The following SV2C variants were observed in gnomAD, a reference collection of about 807,000 sequenced individuals.
SV2C encodes the protein synaptic vesicle glycoprotein 2C, also known as solute carrier family 22 member B3.
Under a neutral mutation model 79.7 loss-of-function variants are expected in SV2C, and 49 were observed. The observed-to-expected ratio is 0.61, with a 90% CI of 0.49 to 0.78. The LOEUF (loss-of-function observed/expected upper bound fraction) is 0.78, where lower values mean the gene tolerates loss of function less well. Among genes scored for constraint, SV2C ranks in the 30% least tolerant of loss-of-function variants. The pLI, the probability that SV2C is intolerant of heterozygous loss-of-function variation, is 0.00. For missense variants in SV2C, 833 were observed against 912.9 expected (o/e 0.91, Z 1.13); for synonymous variants, 334 against 333.2 (o/e 1.00, Z -0.03).
Position 76,333,929 on chromosome 5 carries a change from T to TA in SV2C, c.*8382_*8383insA, listed in dbSNP as rs2112579566. 1 of 151,994 alleles carries TA rather than the reference T, an allele frequency of 6.6e-6. No individual in the cohort carries two copies. The highest frequency in any genetic ancestry group is 1.9e-4 in the East Asian group (1 of 5,172). The allele number at this position is 151,994 out of a possible 1,614,324, so 9.4% of individuals were successfully genotyped here. A position where few individuals can be genotyped will look rare whatever the true frequency, so the allele number is the denominator to read the frequency against. On this transcript the variant is annotated 3_prime_UTR_variant, in exon 13 of 13. Coordinates refer to ENST00000502798, the MANE Select transcript of SV2C (RefSeq NM_014979.4). ...ATATCAGATTAATAAAAGAGCATTTTTTTTTTGCTCCATTATATTCAAATA... is the reference window on the plus strand; with the variant it reads ...ATATCAGATTAATAAAAGAGCATTTTATTTTTTGCTCCATTATATTCAAATA...
chr5:76,177,320 A>G (rs1743569629), intron 2 of SV2C, among the ~76,000 whole-genome samples: 1 of 151,216 alleles, frequency 6.6e-6, no homozygotes, highest in South Asian at 2.1e-4. Flanking sequence ...AAGTACAGAG[A>G]TCTTCCCTTA....
At chr5:76,120,212 A>AT (rs1183341794) in intron 1 of SV2C, among the ~76,000 whole-genome samples, 1 of 152,174 alleles carries the variant, frequency 6.6e-6, no homozygotes, top group African/African-American at 2.4e-5. Context: ...ATATAATTGT[A>AT]TATCATGTAG....
chr5:75,886,639 C>T, the SV2C span, among the ~76,000 whole-genome samples: 1 of 152,136 alleles, frequency 6.6e-6, no homozygotes, highest in Non-Finnish European at 1.5e-5. Context: ...TTGTGCTAGA[C>T]ACTTAGGATA....
chr5:76,006,092 C>T, the SV2C span, among the ~76,000 whole-genome samples: 1 of 152,212 alleles, frequency 6.6e-6, no homozygotes, highest in Admixed American at 6.5e-5. Context: ...ATATCTATAA[C>T]CTCTCAGTGG....
the SV2C span, among the ~76,000 whole-genome samples, chr5:75,875,340 C>A: frequency 6.6e-6 from 1 of 152,132 alleles, no homozygotes; most frequent in African/African-American, 2.4e-5. Flanking sequence ...AAAAGACTAC[C>A]AACTCAATAA....
chr5:76,266,533 A>G (rs992892834), intron 4 of SV2C, among the ~76,000 whole-genome samples: 2 of 152,238 alleles, frequency 1.3e-5, no homozygotes, highest in Non-Finnish European at 1.5e-5. Flanking sequence ...TGAAGACATT[A>G]TGGTAAGTGA....
At chr5:76,176,247 C>T (rs761279990) in intron 2 of SV2C, among the ~76,000 whole-genome samples, 1 of 152,008 alleles carries the variant, frequency 6.6e-6, no homozygotes, top group Non-Finnish European at 1.5e-5. Context: ...GTTCTCAGTT[C>T]GGGGGAGAAT....
intron 4 of SV2C, among the ~76,000 whole-genome samples, chr5:76,265,476 G>A (rs969663717): frequency 6.6e-6 from 1 of 152,166 alleles, no homozygotes; most frequent in Non-Finnish European, 1.5e-5. Flanking sequence ...TCTCACTGGG[G>A]TTCCAGGTGC....
At chr5:76,296,244 GGAAGA>G (rs1747754093) in intron 9 of SV2C, 1 of 184,888 alleles carries the variant, frequency 5.4e-6, no homozygotes, top group South Asian at 1.3e-4. Context: ...AATAATGGAA[GGAAGA>G]GAAGAGTGAA....
chr5:76,035,630 T>A, the SV2C span, among the ~76,000 whole-genome samples: 2 of 152,230 alleles, frequency 1.3e-5, no homozygotes, highest in Non-Finnish European at 2.9e-5. Context: ...TTAATTTCTG[T>A]TCTTTTACAT....
chr5:76,322,339 G>A (rs1748857312), intron 12 of SV2C, among the ~76,000 whole-genome samples: 1 of 152,104 alleles, frequency 6.6e-6, no homozygotes, highest in Non-Finnish European at 1.5e-5. Flanking sequence ...GGGCTGTGAA[G>A]GAACTCTTCA....
chr5:75,995,837 A>G, the SV2C span, among the ~76,000 whole-genome samples: 70,336 of 151,356 alleles, frequency 0.46, 16,999 homozygotes, highest in Middle Eastern at 0.61. Flanking sequence ...CTGATTTTTC[A>G]TACATCTTCC....
the SV2C span, among the ~76,000 whole-genome samples, chr5:76,017,054 C>G: frequency 6.6e-6 from 1 of 152,254 alleles, no homozygotes; most frequent in East Asian, 1.9e-4. Flanking sequence ...TATAAATATA[C>G]CTTGTATAAT....
At chr5:76,135,374 A>G (rs543394943) in intron 2 of SV2C, among the ~76,000 whole-genome samples, 16 of 152,198 alleles carry the variant, frequency 1.1e-4, no homozygotes, top group Non-Finnish European at 2.2e-4. Flanking sequence ...AACACTGCCA[A>G]TGACCTTAAT....
At chr5:76,300,582 A>G in intron 10 of SV2C, 147 bp from the exon 11 acceptor site, 5 of 711,968 alleles carry the variant, frequency 7.0e-6, no homozygotes, top group Non-Finnish European at 1.2e-5. Flanking sequence ...TTTGGCCAGA[A>G]GACCCAAAAA....
the SV2C span, among the ~76,000 whole-genome samples, chr5:75,848,127 G>T: frequency 6.6e-6 from 1 of 152,312 alleles, no homozygotes; most frequent in Non-Finnish European, 1.5e-5. Context: ...CGCCTCCCAG[G>T]AAGTCACCTA....
chr5:75,976,454 G>T, the SV2C span, among the ~76,000 whole-genome samples: 1 of 151,858 alleles, frequency 6.6e-6, no homozygotes, highest in African/African-American at 2.4e-5. Context: ...AATTTTTTCT[G>T]TAATCAGGTT....
At chr5:75,945,383 C>T in the SV2C span, among the ~76,000 whole-genome samples, 2 of 151,910 alleles carry the variant, frequency 1.3e-5, no homozygotes, top group Non-Finnish European at 2.9e-5. Flanking sequence ...ACAATCATGG[C>T]TCACTGCAAT....
chr5:76,245,936 A>ATGTGTATGTG (rs375007331), intron 4 of SV2C, among the ~76,000 whole-genome samples: 63 of 129,150 alleles, frequency 4.9e-4, no homozygotes, highest in African/African-American at 1.6e-3. Context: ...GTGTGTGTGT[A>ATGTGTATGTG]TGTGTGTGTG....
Sources: allele counts gnomAD v4.1 joint callset (sites outside exome capture counted in the v4.1 genomes callset), GRCh38; gene constraint gnomAD v4.1.1; transcripts MANE v1.5; gene names NCBI Gene and HGNC (gene_info 2026-07-23, HGNC 2026-07-21).